The following SDK1 variants were observed in gnomAD, a reference collection of about 807,000 sequenced individuals.
SDK1 encodes the protein protein sidekick-1.
A neutral mutation model predicts 245.5 loss-of-function variants in SDK1; 157 were observed. The ratio of observed to expected loss-of-function variants is 0.64; its 90% CI spans 0.56 to 0.73. The LOEUF (loss-of-function observed/expected upper bound fraction) is 0.73. Among genes scored for constraint, SDK1 ranks in the 30% least tolerant of loss-of-function variants. The pLI is 0.00. For synonymous variants in SDK1, 1,647 were observed against 1,278.5 expected, an observed-to-expected ratio of 1.29 and a Z score of -6.15; for missense variants, 3,583 against 3,002.3, an observed-to-expected ratio of 1.19 and a Z score of -4.52.
rs115718616 is a variant in SDK1, at chr7:3,503,622, C to T, written c.299-115458C>T. Among the ~76,000 whole-genome samples, 894 of 152,088 alleles carry T rather than the reference C, an allele frequency of 5.9e-3. 13 individuals are homozygous for T. Among genetic ancestry groups the T allele is most frequent in the African/African-American group, 0.02 (837 of 41,466 alleles). Reference sequence around the variant, plus strand: ...AGACCAGGGGTTTGAGGCTGCAGTACGCTATGACCATGCCACTGCACTCCA... The same window carrying T: ...AGACCAGGGGTTTGAGGCTGCAGTATGCTATGACCATGCCACTGCACTCCA... On this transcript the variant is annotated intron_variant, in intron 1 of 44. Coordinates refer to ENST00000404826, the MANE Select transcript of SDK1 (RefSeq NM_152744.4).
chr7:3,892,534 C>T (rs1781485704), intron 5 of SDK1, among the ~76,000 whole-genome samples: 1 of 152,186 alleles, frequency 6.6e-6, no homozygotes, highest in South Asian at 2.1e-4. Context: ...TACCCTTCAC[C>T]TCCTGGCAAG....
chr7:3,974,671 C>T lies in SDK1; in HGVS notation c.1994+126C>T, dbSNP rs559760580. The T allele has an allele frequency of 2.0e-4, 159 of 796,614 alleles. 1 individual carries two copies. In the South Asian group the frequency reaches 2.3e-3, roughly 11 times the overall value. The allele number at this position is 796,614 out of a possible 1,614,324, so 49.3% of individuals were successfully genotyped here. ...TCCCAAGTCAGCGGTCAGAGGCCAG[C>T]GCATCATGCTGCATAACTACATATA... On this transcript the variant is annotated intron_variant, in intron 13 of 44. Coordinates refer to ENST00000404826, the MANE Select transcript of SDK1 (RefSeq NM_152744.4).
At chr7:4,188,334 C>A (rs772747115) in intron 35 of SDK1, among the ~76,000 whole-genome samples, 13 of 152,060 alleles carry the variant, frequency 8.5e-5, no homozygotes, top group African/African-American at 3.1e-4. Flanking sequence ...CAAGAAATAG[C>A]CCAGGTTAAG....
intron 18 of SDK1, among the ~76,000 whole-genome samples, chr7:4,049,874 C>A (rs1457573615): frequency 2.6e-5 from 4 of 152,130 alleles, no homozygotes; most frequent in African/African-American, 9.7e-5. Flanking sequence ...TTTCTCTCCT[C>A]CCTTTCTACT....
rs11977445 is a variant in SDK1 at position 3,975,898 on chromosome 7, G to T, written c.1994+1353G>T. Among the ~76,000 whole-genome samples, 441 of 148,714 alleles carry T rather than the reference G, an allele frequency of 3.0e-3. 4 individuals are homozygous for T. The highest frequency in any genetic ancestry group is 0.01 in the African/African-American group (416 of 40,384). On this transcript the variant is annotated intron_variant, in intron 13 of 44. Coordinates refer to ENST00000404826, the MANE Select transcript of SDK1 (RefSeq NM_152744.4). ...GGGGTCCTGGTGCTGCAGCTGCAAAGCTGCCACGTAGAGGGTCCTCCAGAG... is the reference window on the plus strand; with the variant it reads ...GGGGTCCTGGTGCTGCAGCTGCAAATCTGCCACGTAGAGGGTCCTCCAGAG...
chr7:4,219,725 G>A (rs1248090230), intron 38 of SDK1, among the ~76,000 whole-genome samples: 1 of 152,114 alleles, frequency 6.6e-6, no homozygotes, highest in African/African-American at 2.4e-5. Flanking sequence ...ACCAGACTTT[G>A]CACAGCTCAG....
chr7:4,096,930 A>G (rs62438173), intron 22 of SDK1, among the ~76,000 whole-genome samples: 42,678 of 152,138 alleles, frequency 0.28, 6,760 homozygotes, highest in African/African-American at 0.42. Context: ...GCCTGGGCTC[A>G]AACACCCACA....
chr7:3,669,153 AT>A (rs1783621104), intron 4 of SDK1, among the ~76,000 whole-genome samples: 1 of 152,234 alleles, frequency 6.6e-6, no homozygotes, highest in Non-Finnish European at 1.5e-5. Context: ...GGTAAAACAT[AT>A]TGGTTAGTGT....
At chr7:4,022,556 G>A (rs1786984653) in intron 17 of SDK1, among the ~76,000 whole-genome samples, 1 of 152,160 alleles carries the variant, frequency 6.6e-6, no homozygotes. Flanking sequence ...CATGCAGGCT[G>A]CCCTGGTTGG....
At chr7:3,702,568 T>C (rs1784769970) in intron 4 of SDK1, among the ~76,000 whole-genome samples, 1 of 152,198 alleles carries the variant, frequency 6.6e-6, no homozygotes, top group East Asian at 1.9e-4. Context: ...TCATACCTGC[T>C]TCTGGAACAT....
intron 19 of SDK1, among the ~76,000 whole-genome samples, chr7:4,064,199 C>G (rs1028161327): frequency 1.3e-5 from 2 of 152,102 alleles, no homozygotes; most frequent in Admixed American, 1.3e-4. Context: ...GGATTAATAT[C>G]TAAAATATAC....
rs1216730682 is a variant in SDK1, at chr7:4,067,847, C to G, written c.2921C>G (p.Ala974Gly). The change falls in exon 20 of 45, where the codon GCT becomes GGT. Residue 974 changes from alanine (A) to glycine (G), a missense_variant. Ala to Gly is a moderately conservative substitution (Grantham distance 60, BLOSUM62 0). Coordinates refer to ENST00000404826, the MANE Select transcript of SDK1 (RefSeq NM_152744.4). The part of the protein sequence containing the change: ...LVWTQEDKPG[A>G]VGHLSFTEIL... ...TGCTTTTAATTGGTAGAACCAGGAG[C>G]TGTGGGACATCTGAGTTTCACAGAG... 1 of 1,612,168 alleles carries G rather than the reference C, an allele frequency of 6.2e-7. No homozygotes were observed. Among genetic ancestry groups the G allele is most frequent in the South Asian group, 1.1e-5 (1 of 90,470 alleles).
At chr7:3,739,112 A>G (rs1318664785) in intron 4 of SDK1, among the ~76,000 whole-genome samples, 1 of 152,096 alleles carries the variant, frequency 6.6e-6, no homozygotes, top group Non-Finnish European at 1.5e-5. Context: ...CTTTAAATAG[A>G]TCATCCCATT....
At chr7:3,557,093 A>G (rs1336940527) in intron 1 of SDK1, among the ~76,000 whole-genome samples, 2 of 152,100 alleles carry the variant, frequency 1.3e-5, no homozygotes, top group Admixed American at 1.3e-4. Flanking sequence ...GCAGAAGGAA[A>G]GAGATAATAA....
intron 23 of SDK1, among the ~76,000 whole-genome samples, chr7:4,112,313 G>A (rs1393126513): frequency 6.6e-6 from 1 of 152,152 alleles, no homozygotes; most frequent in African/African-American, 2.4e-5. Context: ...CTTTCCAAAG[G>A]AGGCCATCAG....
At chr7:3,684,825 A>G (rs1784227777) in intron 4 of SDK1, among the ~76,000 whole-genome samples, 1 of 152,210 alleles carries the variant, frequency 6.6e-6, no homozygotes, top group Admixed American at 6.5e-5. Flanking sequence ...AGAGAACTGA[A>G]AAATAGAATA....
chr7:3,935,857 G>C (rs1434515370), intron 5 of SDK1, among the ~76,000 whole-genome samples: 1 of 152,210 alleles, frequency 6.6e-6, no homozygotes, highest in African/African-American at 2.4e-5. Flanking sequence ...TTAAACGTCA[G>C]GTTACCGTAT....
chr7:3,842,651 A>G (rs1780187422), intron 5 of SDK1, among the ~76,000 whole-genome samples: 1 of 152,132 alleles, frequency 6.6e-6, no homozygotes, highest in Admixed American at 6.5e-5. Context: ...AACAATCGTG[A>G]GTCCACTAAA....
At chr7:3,427,573 A>C (rs561857689) in intron 1 of SDK1, among the ~76,000 whole-genome samples, 13 of 151,060 alleles carry the variant, frequency 8.6e-5, no homozygotes, top group Non-Finnish European at 1.6e-4. Flanking sequence ...ACTTATCAGG[A>C]GTAGTTTGAA....
Sources: gnomAD v4.1 joint callset for allele counts (sites outside exome capture counted in the v4.1 genomes callset) on GRCh38, gnomAD v4.1.1 for gene constraint, MANE v1.5 for transcripts, NCBI Gene and HGNC (gene_info 2026-07-23, HGNC 2026-07-21) for gene names.